Variants in ERN1 observed in about 807,000 individuals in gnomAD.
ERN1 encodes the protein serine/threonine-protein kinase/endoribonuclease IRE1.
In ERN1, 39 loss-of-function variants were observed where a neutral mutation model predicts 113.1. That is an observed-to-expected ratio of 0.34 (90% confidence interval 0.27 to 0.45). The LOEUF is 0.45. ERN1 is among the 20% of genes least tolerant of loss of function. The pLI is 1.00. For missense variants in ERN1, 976 were observed against 1,274.8 expected (o/e 0.77, Z 3.57); for synonymous variants, 507 against 515.9 (o/e 0.98, Z 0.23).
At position 64,060,455 on chromosome 17, in the gene ERN1, G is replaced by T; in HGVS notation, c.1206+14C>A. 6.4e-7 allele frequency: 1 copy of T among 1,558,420 alleles called. No individual in the cohort carries two copies. On this transcript the variant is annotated intron_variant, in intron 11 of 21. Coordinates refer to ENST00000433197, the MANE Select transcript of ERN1 (RefSeq NM_001433.5). ...TAACACCAACAACCCCCGACTGGTC[G>T]CTTCCTCACTCACTTCCTCAAAGCT...
At chr17:64,060,831 A>G (rs1913031157) in intron 10 of ERN1, among the ~76,000 whole-genome samples, 1 of 152,236 alleles carries the variant, frequency 6.6e-6, no homozygotes, top group African/African-American at 2.4e-5. Context: ...GTATCCTTGC[A>G]TGACAGGGAT....
chr17:64,113,681 TTTTTG>T lies in ERN1; in HGVS notation c.55-15445_55-15441del, dbSNP rs765037652. On this transcript the variant is annotated intron_variant, in intron 1 of 21. Transcript: ENST00000433197. Reference sequence around the variant, plus strand: ...CGAGTCACCATGCCGCCAGGCAATTTTTTTGTTTTGTTTTGTTTTGGAGACAGAGT... The same window carrying T: ...CGAGTCACCATGCCGCCAGGCAATTTTTTTGTTTTGTTTTGGAGACAGAGT... 2.7e-5 allele frequency among the ~76,000 whole-genome samples: 4 copies of T among 150,102 alleles called. No homozygotes were observed. In the East Asian group the frequency reaches 7.9e-4, roughly 30 times the overall value.
At chr17:64,065,865 G>A (rs919432328) in intron 8 of ERN1, among the ~76,000 whole-genome samples, 4 of 152,040 alleles carry the variant, frequency 2.6e-5, no homozygotes, top group Non-Finnish European at 5.9e-5. Context: ...GGGACATCAG[G>A]GAGACAGAAA....
At chr17:64,082,560 G>A (rs1405628253) in intron 2 of ERN1, among the ~76,000 whole-genome samples, 2 of 152,192 alleles carry the variant, frequency 1.3e-5, no homozygotes, top group Non-Finnish European at 2.9e-5. Flanking sequence ...AGATTAAGAG[G>A]ACATGGCCAA....
chr17:64,074,260 G>T (rs1216073469), intron 5 of ERN1, among the ~76,000 whole-genome samples: 1 of 152,196 alleles, frequency 6.6e-6, no homozygotes. Flanking sequence ...AAGATGATAA[G>T]AAGACAATAT....
chr17:64,040,960 A>G lies in ERN1; in HGVS notation c.*3028T>C, dbSNP rs1485012700. On this transcript the variant is annotated 3_prime_UTR_variant, in exon 22 of 22. Coordinates refer to ENST00000433197, the MANE Select transcript of ERN1 (RefSeq NM_001433.5). ...GGAGATCGAGACCATCCTGCCTAAC[A>G]TGGGGAAACCCCGTCTCTACTAAAA... 5 of 152,126 alleles carry G rather than the reference A, an allele frequency of 3.3e-5. No homozygotes were observed. Among genetic ancestry groups the G allele is most frequent in the Non-Finnish European group, 7.3e-5 (5 of 68,038 alleles). 9.4% of individuals were successfully genotyped at this position (152,126 alleles called of 1,614,324 possible).
At chr17:64,102,779 G>A (rs1167879655) in intron 1 of ERN1, 3 of 985,052 alleles carry the variant, frequency 3.0e-6, no homozygotes, top group Non-Finnish European at 3.6e-6. Flanking sequence ...CATACCCTAC[G>A]GCACACACAC....
intron 7 of ERN1, among the ~76,000 whole-genome samples, chr17:64,067,415 C>A (rs1432985938): frequency 8.1e-6 from 1 of 123,950 alleles, no homozygotes; most frequent in Non-Finnish European, 1.7e-5. Flanking sequence ...CATAGTGAGA[C>A]CCCCGTCTCT....
At position 64,073,028 on chromosome 17, in the gene ERN1, CAG is replaced by C. The variant is rs201060690; in HGVS notation, c.356-927_356-926del. Among the ~76,000 whole-genome samples, 384 of 137,714 alleles carry C rather than the reference CAG, an allele frequency of 2.8e-3. 4 individuals carry two copies. Among genetic ancestry groups the C allele is most frequent in the Admixed American group, 0.019 (250 of 13,332 alleles). The allele number at this position is 137,714 out of a possible 152,430, so 90.3% of individuals were successfully genotyped here. On this transcript the variant is annotated intron_variant, in intron 5 of 21. Transcript: ENST00000433197. Reference sequence around the variant, plus strand: ...AATTTTTTTTTTTTTTTTTTTGAGACAGAGTCTTGCTCTGTCGCCCAAGGAGG... The same window carrying C: ...AATTTTTTTTTTTTTTTTTTTGAGACAGTCTTGCTCTGTCGCCCAAGGAGG...
At chr17:64,124,529 T>C (rs948777243) in intron 1 of ERN1, among the ~76,000 whole-genome samples, 2 of 152,152 alleles carry the variant, frequency 1.3e-5, no homozygotes, top group Non-Finnish European at 2.9e-5. Flanking sequence ...CGAGATTTGA[T>C]GGTATTAAAA....
At chr17:64,109,700 G>A (rs1914623192) in intron 1 of ERN1, among the ~76,000 whole-genome samples, 1 of 152,202 alleles carries the variant, frequency 6.6e-6, no homozygotes. Flanking sequence ...TCATTTCACA[G>A]GAAAAGAAAT....
intron 17 of ERN1, among the ~76,000 whole-genome samples, chr17:64,050,671 G>A (rs1355010564): frequency 6.6e-6 from 1 of 152,160 alleles, no homozygotes; most frequent in Admixed American, 6.5e-5. Context: ...ACAGAAGTGT[G>A]CTTAATGCAA....
chr17:64,105,460 C>T (rs1914499508), intron 1 of ERN1, among the ~76,000 whole-genome samples: 1 of 152,124 alleles, frequency 6.6e-6, no homozygotes, highest in Non-Finnish European at 1.5e-5. Flanking sequence ...TTCTTCCCAT[C>T]ACACCTCCAC....
intron 12 of ERN1, among the ~76,000 whole-genome samples, chr17:64,056,618 C>T (rs921858993): frequency 6.6e-6 from 1 of 152,198 alleles, no homozygotes; most frequent in Non-Finnish European, 1.5e-5. Flanking sequence ...GAAGTAGCAG[C>T]GATCTGTGAT....
At chr17:64,126,955 G>A (rs1915097144) in intron 1 of ERN1, among the ~76,000 whole-genome samples, 1 of 152,038 alleles carries the variant, frequency 6.6e-6, no homozygotes, top group South Asian at 2.1e-4. Flanking sequence ...ACATTGTACT[G>A]ATCTCTTTGG....
Position 64,112,946 on chromosome 17 carries a change from C to T in ERN1, c.55-14705G>A, listed in dbSNP as rs572262496. 3.9e-5 allele frequency among the ~76,000 whole-genome samples: 6 copies of T among 152,306 alleles called. No individual in the cohort carries two copies. In the East Asian group the frequency reaches 7.7e-4, roughly 20 times the overall value. ...GCTGGAGATCACAAACTTGGGTGTG[C>T]TCTGGAGGTGGAGGCTTAATCTAGC... On this transcript the variant is annotated intron_variant, in intron 1 of 21. Coordinates refer to ENST00000433197, the MANE Select transcript of ERN1 (RefSeq NM_001433.5).
At position 64,072,046 on chromosome 17, in the gene ERN1, G is replaced by A. The variant is rs1055567355; in HGVS notation, c.413C>T (p.Thr138Ile). ...ACTATCTGCAAAGGCCGATGACAAAGTCTGCTGCTTCTCTCCGGTCAGGAG... is the reference window on the plus strand; with the variant it reads ...ACTATCTGCAAAGGCCGATGACAAAATCTGCTGCTTCTCTCCGGTCAGGAG... Reference protein sequence around the residue: ...IDLLTGEKQQTLSSAFADSLC... With the variant: ...IDLLTGEKQQILSSAFADSLC... Residue 138 changes from threonine (T) to isoleucine (I), a missense_variant, in exon 6 of 22, where the codon ACT (threonine) becomes ATT (isoleucine). By Grantham distance (89) the Thr-to-Ile change is moderately conservative. Around this residue, in one of 5 missense-constraint regions of ERN1, gnomAD observed 459 missense variants for 581.2 expected, o/e 0.79. Transcript: ENST00000433197. 2.5e-6 allele frequency: 4 copies of A among 1,609,234 alleles called. No homozygotes were observed. The highest frequency in any genetic ancestry group is 2.5e-6 in the Non-Finnish European group (3 of 1,177,728).
rs1051119993 is a variant in ERN1 at position 64,041,893 on chromosome 17, T to A, written c.*2095A>T. On this transcript the variant is annotated 3_prime_UTR_variant, in exon 22 of 22. Transcript: ENST00000433197. The stretch of plus-strand genomic sequence containing the variant: ...AAATCTGCGTGGTTAGAAACTAGTA[T>A]GATAAGCAGAAAAGGCATCGGAAAC... The A allele has an allele frequency of 2.0e-5, 3 of 152,226 alleles. No homozygotes were observed. The highest frequency in any genetic ancestry group is 7.2e-5 in the African/African-American group (3 of 41,452). The allele number at this position is 152,226 out of a possible 1,614,324, so 9.4% of individuals were successfully genotyped here. A position where few individuals can be genotyped will look rare whatever the true frequency, so the allele number is the denominator to read the frequency against.
intron 1 of ERN1, among the ~76,000 whole-genome samples, chr17:64,112,489 G>A (rs1050725182): frequency 6.6e-6 from 1 of 152,120 alleles, no homozygotes; most frequent in Admixed American, 6.6e-5. Context: ...ACTCACCTAT[G>A]ATGCTGCGGC....
Sources: allele counts gnomAD v4.1 joint callset (sites outside exome capture counted in the v4.1 genomes callset), GRCh38; gene constraint gnomAD v4.1.1; regional missense constraint gnomAD v4.1.1; transcripts MANE v1.5; gene names NCBI Gene and HGNC (gene_info 2026-07-23, HGNC 2026-07-21).